The following HOMER2 variants were observed in gnomAD, a reference collection of about 807,000 sequenced individuals.
The protein encoded by HOMER2 is homer protein homolog 2.
In HOMER2, 27 loss-of-function variants were observed where a neutral mutation model predicts 47.0. The ratio of observed to expected loss-of-function variants is 0.57; its 90% CI spans 0.42 to 0.79. The LOEUF (loss-of-function observed/expected upper bound fraction) is 0.79, where lower values mean the gene tolerates loss of function less well. Ranked by LOEUF, HOMER2 falls within the 30% of genes least tolerant of loss-of-function variation. The pLI is 0.00. For missense variants in HOMER2, 443 were observed against 435.0 expected, an observed-to-expected ratio of 1.02 and a Z score of -0.16; for synonymous variants, 161 against 163.8, an observed-to-expected ratio of 0.98 and a Z score of 0.13.
chr15:82,955,955 G>A (rs1407104281), upstream of HOMER2, among the ~76,000 whole-genome samples: 1 of 152,066 alleles, frequency 6.6e-6, no homozygotes, highest in Non-Finnish European at 1.5e-5. Context: ...AAAGAGGCCT[G>A]ATGGCTGGGT....
At chr15:82,857,238 G>T (rs201875305) in intron 5 of HOMER2, among the ~76,000 whole-genome samples, 2 of 152,004 alleles carry the variant, frequency 1.3e-5, no homozygotes, top group East Asian at 3.9e-4. Context: ...GAAGACACAG[G>T]GAGAAGACTG....
downstream of HOMER2, chr15:82,835,266 A>G (rs1269706364): frequency 6.6e-6 from 1 of 152,246 alleles, no homozygotes; most frequent in African/African-American, 2.4e-5. Flanking sequence ...AGCTGGGACT[A>G]CAGGCGTGTG....
intron 3 of HOMER2, among the ~76,000 whole-genome samples, chr15:82,866,707 G>A (rs969281062): frequency 6.6e-6 from 1 of 152,168 alleles, no homozygotes; most frequent in South Asian, 2.1e-4. Context: ...AGTCTCAGGA[G>A]ATCTGATGGT....
intron 3 of HOMER2, among the ~76,000 whole-genome samples, chr15:82,872,987 A>C (rs1567026137): frequency 6.6e-6 from 1 of 152,204 alleles, no homozygotes; most frequent in East Asian, 1.9e-4. Context: ...AATATTTCAA[A>C]CTAGGTGGCA....
intron 3 of HOMER2, among the ~76,000 whole-genome samples, chr15:82,864,797 A>G (rs1369302580): frequency 1.3e-5 from 2 of 152,244 alleles, no homozygotes; most frequent in East Asian, 3.8e-4. Context: ...TAGTTCCATA[A>G]TAAAACAGTT....
chr15:82,916,206 C>T (rs1323123818), intron 1 of HOMER2, among the ~76,000 whole-genome samples: 1 of 152,240 alleles, frequency 6.6e-6, no homozygotes, highest in Non-Finnish European at 1.5e-5. Context: ...TCAGCCAACA[C>T]TCGGAGCGTG....
chr15:82,980,136 T>G (rs1425532266), intron 1 of HOMER2, among the ~76,000 whole-genome samples: 1 of 152,044 alleles, frequency 6.6e-6, no homozygotes, highest in Non-Finnish European at 1.5e-5. Flanking sequence ...ATATTTAAAT[T>G]TCTGTACATC....
intron 4 of HOMER2, among the ~76,000 whole-genome samples, chr15:82,862,335 G>T (rs1244615349): frequency 2.6e-5 from 4 of 152,144 alleles, no homozygotes; most frequent in Non-Finnish European, 4.4e-5. Flanking sequence ...AGGTATACAT[G>T]TATTTTTAAG....
downstream of HOMER2, chr15:82,845,297 C>T (rs550061601): frequency 4.0e-5 from 6 of 149,828 alleles, no homozygotes; most frequent in South Asian, 6.3e-4. Flanking sequence ...TTCACTAGAA[C>T]ATTTCATCCA....
exon 2 of HOMER2, chr15:82,837,082 T>G (rs1211456859): frequency 6.6e-6 from 1 of 152,344 alleles, no homozygotes; most frequent in African/African-American, 2.4e-5. Flanking sequence ...TCCTTGCCCT[T>G]TCTGGTTTCT....
intron 2 of HOMER2, among the ~76,000 whole-genome samples, chr15:82,880,083 A>G (rs963633199): frequency 7.9e-5 from 12 of 152,308 alleles, no homozygotes; most frequent in African/African-American, 2.9e-4. Context: ...TGAATAACAG[A>G]TTATTTAGGG....
At chr15:82,863,282 A>G (rs2051853779) in intron 4 of HOMER2, among the ~76,000 whole-genome samples, 1 of 152,082 alleles carries the variant, frequency 6.6e-6, no homozygotes. Flanking sequence ...CTGCCTTACC[A>G]TCTGCAAGCA....
At chr15:82,928,434 T>C (rs1052086915) in intron 1 of HOMER2, among the ~76,000 whole-genome samples, 2 of 152,132 alleles carry the variant, frequency 1.3e-5, no homozygotes, top group Admixed American at 6.5e-5. Flanking sequence ...TCCTAAAAAT[T>C]TTCATTCTAA....
chr15:82,933,540 C>A (rs2054068522), intron 1 of HOMER2, among the ~76,000 whole-genome samples: 1 of 152,194 alleles, frequency 6.6e-6, no homozygotes, highest in Non-Finnish European at 1.5e-5. Context: ...AGCCACTGCA[C>A]CCAGCCAAGA....
intron 1 of HOMER2, among the ~76,000 whole-genome samples, chr15:82,968,542 T>C (rs932759495): frequency 1.1e-4 from 16 of 152,370 alleles, no homozygotes; most frequent in African/African-American, 3.8e-4. Context: ...TCCAGAGGCA[T>C]CTTTCCAGAA....
downstream of HOMER2, chr15:82,845,940 A>T (rs1285930885): frequency 6.6e-6 from 1 of 152,254 alleles, no homozygotes; most frequent in Non-Finnish European, 1.5e-5. Flanking sequence ...GATGTTTTGC[A>T]TCAAATGTAG....
At chr15:82,836,644 T>A (rs2051130387), downstream of HOMER2, among the ~76,000 whole-genome samples, 1 of 152,246 alleles carries the variant, frequency 6.6e-6, no homozygotes, top group Admixed American at 6.5e-5. Flanking sequence ...AGGACTGGCA[T>A]CTGCTCCTAG....
chr15:82,970,040 T>C (rs753780105), intron 1 of HOMER2, among the ~76,000 whole-genome samples: 1 of 152,198 alleles, frequency 6.6e-6, no homozygotes, highest in South Asian at 2.1e-4. Flanking sequence ...AAATAACTCA[T>C]GCCTAAACAC....
chr15:82,961,846 C>A (rs2054632975), intron 1 of HOMER2, among the ~76,000 whole-genome samples: 1 of 152,100 alleles, frequency 6.6e-6, no homozygotes, highest in South Asian at 2.1e-4. Context: ...TCACTGCAAC[C>A]TCTGCCTCCC....
Sources: allele counts gnomAD v4.1 joint callset (sites outside exome capture counted in the v4.1 genomes callset), GRCh38; gene constraint gnomAD v4.1.1; transcripts MANE v1.5; gene names NCBI Gene and HGNC (gene_info 2026-07-23, HGNC 2026-07-21).